MACROD2: variants seen among roughly 807,000 people sequenced by gnomAD.
MACROD2 encodes the protein mono-ADP ribosylhydrolase 2.
MACROD2 carries 36 observed loss-of-function variants against 70.4 expected under a neutral mutation model. The ratio of observed to expected loss-of-function variants is 0.51; its 90% CI spans 0.39 to 0.68. The LOEUF is 0.68. Ranked by LOEUF, MACROD2 falls within the 30% of genes least tolerant of loss-of-function variation. The pLI is 0.00. For synonymous variants in MACROD2, 172 were observed against 178.8 expected, an observed-to-expected ratio of 0.96 and a Z score of 0.30; for missense variants, 496 against 538.4, an observed-to-expected ratio of 0.92 and a Z score of 0.78.
At chr20:15,640,798 A>G (rs2049448334) in intron 8 of MACROD2, among the ~76,000 whole-genome samples, 1 of 152,020 alleles carries the variant, frequency 6.6e-6, no homozygotes, top group African/African-American at 2.4e-5. Context: ...CTTTTTCAGG[A>G]GGTTTCTGAG....
At chr20:14,204,196 G>C (rs1444392888) in intron 3 of MACROD2, among the ~76,000 whole-genome samples, 1 of 152,182 alleles carries the variant, frequency 6.6e-6, no homozygotes, top group Non-Finnish European at 1.5e-5. Flanking sequence ...CTCAGGCTCT[G>C]GAGAATGCAT....
intron 4 of MACROD2, among the ~76,000 whole-genome samples, chr20:14,537,224 A>C (rs945137710): frequency 3.3e-5 from 5 of 152,184 alleles, no homozygotes; most frequent in African/African-American, 1.2e-4. Flanking sequence ...TCCAAAAGCA[A>C]AACCTGACAC....
At chr20:15,724,328 T>A (rs918849335) in intron 8 of MACROD2, among the ~76,000 whole-genome samples, 1 of 152,236 alleles carries the variant, frequency 6.6e-6, no homozygotes, top group African/African-American at 2.4e-5. Flanking sequence ...TGGTGTTGTA[T>A]CTGATGAGTC....
chr20:14,454,822 T>A (rs1012260916), intron 3 of MACROD2, among the ~76,000 whole-genome samples: 1 of 148,294 alleles, frequency 6.7e-6, no homozygotes, highest in Non-Finnish European at 1.5e-5. Context: ...GTGAGATCTC[T>A]GCTCACTGCA....
intron 7 of MACROD2, among the ~76,000 whole-genome samples, chr20:15,466,473 G>A (rs2046890811): frequency 6.6e-6 from 1 of 152,178 alleles, no homozygotes; most frequent in African/African-American, 2.4e-5. Flanking sequence ...AGTGAACGGT[G>A]GCATTTTTAT....
At chr20:15,493,814 A>T (rs2047261058) in intron 7 of MACROD2, among the ~76,000 whole-genome samples, 3 of 152,218 alleles carry the variant, frequency 2.0e-5, no homozygotes, top group African/African-American at 7.2e-5. Flanking sequence ...ATCTTCAATG[A>T]GTCTTTATTG....
At chr20:14,445,125 T>G (rs1247444228) in intron 3 of MACROD2, among the ~76,000 whole-genome samples, 2 of 152,056 alleles carry the variant, frequency 1.3e-5, no homozygotes, top group African/African-American at 4.8e-5. Flanking sequence ...GGGACCTGGG[T>G]AAACAGCCTC....
chr20:14,263,649 A>C (rs1203729409), intron 3 of MACROD2, among the ~76,000 whole-genome samples: 4 of 152,116 alleles, frequency 2.6e-5, no homozygotes, highest in Non-Finnish European at 4.4e-5. Context: ...GAAGTGTGTG[A>C]GAGAGGAAAG....
intron 3 of MACROD2, among the ~76,000 whole-genome samples, chr20:14,089,385 G>A (rs1601208916): frequency 6.6e-6 from 1 of 152,142 alleles, no homozygotes; most frequent in Non-Finnish European, 1.5e-5. Context: ...CTGAGAGGGG[G>A]AGTGAAAAAC....
intron 5 of MACROD2, among the ~76,000 whole-genome samples, chr20:14,938,745 C>A (rs929824648): frequency 2.6e-5 from 4 of 152,034 alleles, no homozygotes; most frequent in African/African-American, 9.7e-5. Context: ...CATGCCACTG[C>A]ACTCCAGCGT....
At chr20:14,920,428 C>G (rs2074147766) in intron 5 of MACROD2, among the ~76,000 whole-genome samples, 2 of 152,106 alleles carry the variant, frequency 1.3e-5, no homozygotes, top group South Asian at 4.1e-4. Context: ...GTGTTCCTTT[C>G]TGAATACCCT....
chr20:14,878,581 A>T (rs1459136498), intron 5 of MACROD2, among the ~76,000 whole-genome samples: 1 of 152,184 alleles, frequency 6.6e-6, no homozygotes, highest in Non-Finnish European at 1.5e-5. Context: ...ACAACCATGA[A>T]CACATATCAT....
At chr20:14,070,538 CATTA>C (rs2053824272) in intron 2 of MACROD2, among the ~76,000 whole-genome samples, 1 of 152,126 alleles carries the variant, frequency 6.6e-6, no homozygotes, top group Non-Finnish European at 1.5e-5. Context: ...TTCATTTTTA[CATTA>C]ATTTCTATAG....
intron 4 of MACROD2, among the ~76,000 whole-genome samples, chr20:14,544,613 A>T (rs1258381996): frequency 6.6e-6 from 1 of 152,208 alleles, no homozygotes; most frequent in Non-Finnish European, 1.5e-5. Flanking sequence ...GAGTTGCTTG[A>T]GAATCACACC....
chr20:15,048,166 C>A (rs2075410427), intron 5 of MACROD2, among the ~76,000 whole-genome samples: 1 of 148,430 alleles, frequency 6.7e-6, no homozygotes, highest in African/African-American at 2.4e-5. Context: ...GACCCAGCTG[C>A]TCAGGAGACT....
chr20:14,490,535 T>G (rs1052245326), intron 3 of MACROD2, among the ~76,000 whole-genome samples: 4 of 152,202 alleles, frequency 2.6e-5, no homozygotes, highest in Non-Finnish European at 5.9e-5. Context: ...AAGAGACATT[T>G]TATTTCAGGG....
rs79153041 is a variant in MACROD2, at chr20:14,571,195, T to A, written c.301+77687T>A. Among the ~76,000 whole-genome samples, 279 of 152,186 alleles carry A rather than the reference T, an allele frequency of 1.8e-3. 3 individuals are homozygous for A. The East Asian group carries it at 0.033, about 18-fold the overall frequency. ...AAAAAGAATGTACTAGACAAACAGATATATTTGGCTTAGTTTTTTTCCTTT... is the reference window on the plus strand; with the variant it reads ...AAAAAGAATGTACTAGACAAACAGAAATATTTGGCTTAGTTTTTTTCCTTT... On this transcript the variant is annotated intron_variant, in intron 4 of 17. Transcript: ENST00000684519.
At chr20:15,181,657 T>A (rs2076501829) in intron 5 of MACROD2, among the ~76,000 whole-genome samples, 2 of 152,214 alleles carry the variant, frequency 1.3e-5, no homozygotes, top group Admixed American at 1.3e-4. Flanking sequence ...GATAGCATGC[T>A]TGGATTACTA....
chr20:15,562,798 C>G (rs181259501), intron 8 of MACROD2, among the ~76,000 whole-genome samples: 3 of 152,146 alleles, frequency 2.0e-5, no homozygotes, highest in Admixed American at 6.5e-5. Flanking sequence ...AAAATAAGAC[C>G]TTTGAATTGT....
Sources: allele counts gnomAD v4.1 joint callset (sites outside exome capture counted in the v4.1 genomes callset), GRCh38; gene constraint gnomAD v4.1.1; transcripts MANE v1.5; gene names NCBI Gene and HGNC (gene_info 2026-07-23, HGNC 2026-07-21).